RLN2: variants seen among roughly 807,000 people sequenced by gnomAD.
RLN2 encodes the protein prorelaxin H2.
Under a neutral mutation model 7.3 loss-of-function variants are expected in RLN2, and 10 were observed. That is an observed-to-expected ratio of 1.36 (90% CI 0.84 to 2.31). The LOEUF is 2.31. Among genes scored for constraint, RLN2 ranks in the 30% most tolerant of loss-of-function variants. The pLI, the probability that RLN2 is intolerant of heterozygous loss-of-function variation, is 0.00. For synonymous variants in RLN2, 103 were observed against 82.3 expected (o/e 1.25, Z -1.36); for missense variants, 298 against 217.6 (o/e 1.37, Z -2.32).
At chr9:5,325,637 C>G in the RLN2 span, among the ~76,000 whole-genome samples, 3 of 151,946 alleles carry the variant, frequency 2.0e-5, no homozygotes, top group African/African-American at 7.3e-5. Flanking sequence ...TTAAGCAGAG[C>G]CTTTCATCTA....
At chr9:5,337,488 T>C in the RLN2 span, among the ~76,000 whole-genome samples, 3 of 152,048 alleles carry the variant, frequency 2.0e-5, no homozygotes, top group Non-Finnish European at 2.9e-5. Flanking sequence ...CTTACTGAAA[T>C]AGATCTCTGG....
chr9:5,302,080 A>G (rs865904843), intron 1 of RLN2, among the ~76,000 whole-genome samples: 6 of 152,208 alleles, frequency 3.9e-5, no homozygotes, highest in Middle Eastern at 3.2e-3. Context: ...GTAATTTTCT[A>G]TATACTTAAA....
the RLN2 span, among the ~76,000 whole-genome samples, chr9:5,319,674 C>G: frequency 2.0e-5 from 3 of 151,904 alleles, no homozygotes; most frequent in Non-Finnish European, 4.4e-5. Flanking sequence ...AGTTTATTTA[C>G]AATAATTGGC....
chr9:5,330,879 G>C, the RLN2 span, among the ~76,000 whole-genome samples: 1 of 149,808 alleles, frequency 6.7e-6, no homozygotes, highest in African/African-American at 2.5e-5. Context: ...AAAGAGAGAA[G>C]AATCAAAGAG....
At chr9:5,313,224 A>G in the RLN2 span, among the ~76,000 whole-genome samples, 854 of 152,066 alleles carry the variant, frequency 5.6e-3, 14 homozygotes, top group African/African-American at 0.02. Flanking sequence ...TGATCTATTA[A>G]TATTTGTGTT....
chr9:5,328,321 G>T, the RLN2 span, among the ~76,000 whole-genome samples: 1 of 151,922 alleles, frequency 6.6e-6, no homozygotes, highest in South Asian at 2.1e-4. Flanking sequence ...AGTGATTGAA[G>T]ATCAAATTAA....
At chr9:5,333,987 T>G in the RLN2 span, among the ~76,000 whole-genome samples, 3 of 151,958 alleles carry the variant, frequency 2.0e-5, no homozygotes, top group South Asian at 6.2e-4. Context: ...TGTTAAAAAC[T>G]CTCAATAAAC....
chr9:5,336,497 C>A, the RLN2 span, among the ~76,000 whole-genome samples: 1 of 152,010 alleles, frequency 6.6e-6, no homozygotes, highest in Non-Finnish European at 1.5e-5. Context: ...TCTTTGTACC[C>A]ATTCAGCTCC....
At chr9:5,307,313 T>C (rs1424286573), upstream of RLN2, among the ~76,000 whole-genome samples, 2 of 147,978 alleles carry the variant, frequency 1.4e-5, no homozygotes, top group African/African-American at 2.6e-5. Flanking sequence ...AGATAGATGA[T>C]AGATAGATAG....
At chr9:5,316,251 T>C in the RLN2 span, among the ~76,000 whole-genome samples, 80 of 152,018 alleles carry the variant, frequency 5.3e-4, no homozygotes, top group South Asian at 1.0e-3. Context: ...ATAACATCTT[T>C]AGGACTTTCT....
At chr9:5,308,239 G>C (rs1373647053), upstream of RLN2, among the ~76,000 whole-genome samples, 1 of 151,946 alleles carries the variant, frequency 6.6e-6, no homozygotes, top group Non-Finnish European at 1.5e-5. Flanking sequence ...TCTTCAAAAA[G>C]TCTTCTTCTC....
At chr9:5,311,533 T>C in the RLN2 span, 1 of 734,040 alleles carries the variant, frequency 1.4e-6, no homozygotes, top group Non-Finnish European at 2.5e-6. Context: ...GGTTGTCTAC[T>C]AAACCTGCTC....
chr9:5,330,627 G>C, the RLN2 span, among the ~76,000 whole-genome samples: 2 of 108,136 alleles, frequency 1.8e-5, no homozygotes, highest in South Asian at 6.2e-4. Context: ...GACAGAGCAA[G>C]ACTCCATCTC....
upstream of RLN2, among the ~76,000 whole-genome samples, chr9:5,307,325 G>C (rs551100328): frequency 6.6e-6 from 1 of 151,566 alleles, no homozygotes; most frequent in East Asian, 1.9e-4. Context: ...GATAGATAGT[G>C]TGTGTATATA....
At chr9:5,320,008 C>T in the RLN2 span, among the ~76,000 whole-genome samples, 3 of 145,434 alleles carry the variant, frequency 2.1e-5, no homozygotes, top group East Asian at 2.0e-4. Context: ...TTTTTTAAGA[C>T]GGAGTATCAC....
the RLN2 span, chr9:5,311,397 C>A: frequency 4.0e-6 from 2 of 497,922 alleles, no homozygotes. Context: ...TCATTGGACA[C>A]ATTCTTAATA....
At chr9:5,319,695 C>T in the RLN2 span, among the ~76,000 whole-genome samples, 2 of 152,098 alleles carry the variant, frequency 1.3e-5, no homozygotes, top group East Asian at 3.9e-4. Flanking sequence ...AAGCAAGCAA[C>T]TCAGTGAATT....
the RLN2 span, among the ~76,000 whole-genome samples, chr9:5,324,877 C>G: frequency 1.3e-5 from 2 of 151,950 alleles, no homozygotes; most frequent in African/African-American, 4.8e-5. Flanking sequence ...AAAAACTCAA[C>G]ATATTCAATT....
At chr9:5,313,949 T>G in the RLN2 span, among the ~76,000 whole-genome samples, 9 of 152,076 alleles carry the variant, frequency 5.9e-5, 1 homozygote, top group African/African-American at 1.2e-4. Flanking sequence ...TCAGGATCAG[T>G]TGGAACCAGG....
Sources: allele counts gnomAD v4.1 joint callset (sites outside exome capture counted in the v4.1 genomes callset), GRCh38; gene constraint gnomAD v4.1.1; transcripts MANE v1.5; gene names NCBI Gene and HGNC (gene_info 2026-07-23, HGNC 2026-07-21).